The following ZBTB20 variants were observed in gnomAD, a reference collection of about 807,000 sequenced individuals.
The protein encoded by ZBTB20 is zinc finger and BTB domain containing 20.
In ZBTB20, 9 loss-of-function variants were observed where a neutral mutation model predicts 56.9. The ratio of observed to expected loss-of-function variants is 0.16; its 90% CI spans 0.10 to 0.28. The LOEUF (loss-of-function observed/expected upper bound fraction) is 0.28, where lower values mean the gene tolerates loss of function less well. ZBTB20 is among the 10% of genes least tolerant of loss of function. The pLI, the probability that ZBTB20 is intolerant of heterozygous loss-of-function variation, is 1.00. For missense variants in ZBTB20, 655 were observed against 1,003.0 expected (o/e 0.65, Z 4.69); for synonymous variants, 417 against 420.7 (o/e 0.99, Z 0.11).
chr3:114,817,129 C>CGT (rs1346724027), intron 4 of ZBTB20, among the ~76,000 whole-genome samples: 5 of 150,520 alleles, frequency 3.3e-5, no homozygotes, highest in South Asian at 2.1e-4. Flanking sequence ...AATATGACTC[C>CGT]GTGTGTGTGT....
At chr3:114,500,759 T>C (rs1287187755) in intron 6 of ZBTB20, among the ~76,000 whole-genome samples, 3 of 152,238 alleles carry the variant, frequency 2.0e-5, no homozygotes, top group Non-Finnish European at 4.4e-5. Flanking sequence ...ATTTAAATTA[T>C]TTAACATTTA....
intron 5 of ZBTB20, among the ~76,000 whole-genome samples, chr3:114,737,265 T>C (rs117192038): frequency 6.6e-6 from 1 of 152,302 alleles, no homozygotes; most frequent in East Asian, 1.9e-4. Flanking sequence ...TTTTGAAAAT[T>C]TGGTTTACTG....
At chr3:114,475,495 A>G (rs1487456197) in intron 7 of ZBTB20, among the ~76,000 whole-genome samples, 1 of 152,204 alleles carries the variant, frequency 6.6e-6, no homozygotes, top group African/African-American at 2.4e-5. Context: ...CAAGTGAATG[A>G]GTTCATGTAT....
At chr3:114,822,233 A>G (rs1010306177) in intron 4 of ZBTB20, among the ~76,000 whole-genome samples, 2 of 152,148 alleles carry the variant, frequency 1.3e-5, no homozygotes, top group African/African-American at 4.8e-5. Context: ...AAAATTTAAT[A>G]TAATCTTAAG....
chr3:114,573,558 A>G (rs1391181174), intron 6 of ZBTB20, among the ~76,000 whole-genome samples: 1 of 151,466 alleles, frequency 6.6e-6, no homozygotes, highest in Non-Finnish European at 1.5e-5. Flanking sequence ...AAGAAAGAGG[A>G]AAAAAAGAAA....
rs914876739 is a variant in ZBTB20 at position 114,552,291 on chromosome 3, T to C, written c.-294-51900A>G. ...ACCACATAGCTTAACTGTATTTCCT[T>C]ATTATTTTGTCTCTAGCTGAAGTTC... On this transcript the variant is annotated intron_variant, in intron 6 of 11. Coordinates refer to ENST00000675478, the MANE Select transcript of ZBTB20 (RefSeq NM_001348800.3). Among the ~76,000 whole-genome samples the C allele has an allele frequency of 5.3e-5, 8 of 152,212 alleles. No homozygotes were observed. The South Asian group carries it at 1.0e-3, about 20-fold the overall frequency.
At chr3:114,557,237 A>C (rs2051350129) in intron 6 of ZBTB20, among the ~76,000 whole-genome samples, 1 of 151,892 alleles carries the variant, frequency 6.6e-6, no homozygotes, top group South Asian at 2.1e-4. Context: ...TGAAATTTAG[A>C]TAGGATAATT....
intron 7 of ZBTB20, among the ~76,000 whole-genome samples, chr3:114,469,248 T>C (rs1021704272): frequency 6.6e-6 from 1 of 152,114 alleles, no homozygotes; most frequent in African/African-American, 2.4e-5. Context: ...AATAAAGTTT[T>C]ACTTCAAGTT....
intron 8 of ZBTB20, among the ~76,000 whole-genome samples, chr3:114,384,183 CCT>C (rs148683084): frequency 0.01 from 1,562 of 150,816 alleles, 27 homozygotes; most frequent in African/African-American, 0.036. Context: ...ACCCCTTCCT[CCT>C]CTCTCTCTGT....
In ZBTB20 at chr3:114,916,724, C is replaced by T. The variant is rs192542322; in HGVS notation, c.-455-16382G>A. Among the ~76,000 whole-genome samples the T allele has an allele frequency of 7.3e-4, 111 of 152,216 alleles. 1 individual carries two copies. The East Asian group carries it at 0.015, about 20-fold the overall frequency. On this transcript the variant is annotated intron_variant, in intron 3 of 11. Coordinates refer to ENST00000675478, the MANE Select transcript of ZBTB20 (RefSeq NM_001348800.3). Reference sequence around the variant, plus strand: ...CTTTAAATATGTCATGCTACTTTTTCCTGGGCTGTAAGGTTTCCACTGAAG... The same window carrying T: ...CTTTAAATATGTCATGCTACTTTTTTCTGGGCTGTAAGGTTTCCACTGAAG...
In ZBTB20 at chr3:114,905,499, C is replaced by CATT. The variant is rs1236101231; in HGVS notation, c.-455-5160_-455-5158dup. On this transcript the variant is annotated intron_variant, in intron 3 of 11. Coordinates refer to ENST00000675478, the MANE Select transcript of ZBTB20 (RefSeq NM_001348800.3). Reference sequence around the variant, plus strand: ...GGACCAGCATTTGTATCTTATTCACCATTACATCTGTAGTTTTTACTTAGC... The same window carrying CATT: ...GGACCAGCATTTGTATCTTATTCACCATTATTACATCTGTAGTTTTTACTTAGC... Among the ~76,000 whole-genome samples, 5 of 151,878 alleles carry CATT rather than the reference C, an allele frequency of 3.3e-5. No homozygotes were observed. The East Asian group carries it at 9.7e-4, about 29-fold the overall frequency.
At chr3:114,664,094 T>C (rs1165732280) in intron 6 of ZBTB20, among the ~76,000 whole-genome samples, 1 of 152,070 alleles carries the variant, frequency 6.6e-6, no homozygotes, top group Admixed American at 6.6e-5. Context: ...AAATCTAAAG[T>C]AAATGTTCAT....
chr3:114,644,260 A>T (rs1430831440), intron 6 of ZBTB20, among the ~76,000 whole-genome samples: 1 of 152,108 alleles, frequency 6.6e-6, no homozygotes, highest in Non-Finnish European at 1.5e-5. Flanking sequence ...TATTGTAAAA[A>T]ATTAAATGGA....
In ZBTB20 at chr3:114,470,108, G is replaced by A. The variant is rs543596144; in HGVS notation, c.-255+30244C>T. ...TATAGAAAAAGGGAGTCTCTTTTTA[G>A]TGAGATTTCACTAAATACCTCTGGT... On this transcript the variant is annotated intron_variant, in intron 7 of 11. Coordinates refer to ENST00000675478, the MANE Select transcript of ZBTB20 (RefSeq NM_001348800.3). 5.9e-5 allele frequency among the ~76,000 whole-genome samples: 9 copies of A among 152,202 alleles called. No homozygotes were observed. The South Asian group carries it at 1.9e-3, about 32-fold the overall frequency.
intron 10 of ZBTB20, among the ~76,000 whole-genome samples, chr3:114,377,883 A>G (rs2083838526): frequency 6.6e-6 from 1 of 152,208 alleles, no homozygotes; most frequent in African/African-American, 2.4e-5. Context: ...TGCTAAACAC[A>G]TGACAAATAA....
chr3:114,373,378 C>T (rs1393162741), intron 10 of ZBTB20, among the ~76,000 whole-genome samples: 1 of 152,184 alleles, frequency 6.6e-6, no homozygotes, highest in Non-Finnish European at 1.5e-5. Flanking sequence ...GACAATGTTA[C>T]CCAAATACAA....
intron 5 of ZBTB20, among the ~76,000 whole-genome samples, chr3:114,706,673 A>G (rs2063736363): frequency 6.6e-6 from 1 of 152,130 alleles, no homozygotes; most frequent in South Asian, 2.1e-4. Context: ...GTGTCCAGCT[A>G]AGGAATAACT....
chr3:114,522,563 G>A (rs769013319), intron 6 of ZBTB20, among the ~76,000 whole-genome samples: 5 of 152,182 alleles, frequency 3.3e-5, no homozygotes, highest in African/African-American at 9.7e-5. Context: ...TAGACTGTAA[G>A]TGGTAAGGCC....
intron 4 of ZBTB20, among the ~76,000 whole-genome samples, chr3:114,857,908 T>C (rs929213697): frequency 6.6e-6 from 1 of 152,158 alleles, no homozygotes; most frequent in African/African-American, 2.4e-5. Flanking sequence ...AATCCCTTTG[T>C]TCCACTTAAA....
Sources: allele counts gnomAD v4.1 joint callset (sites outside exome capture counted in the v4.1 genomes callset), GRCh38; gene constraint gnomAD v4.1.1; transcripts MANE v1.5; gene names NCBI Gene and HGNC (gene_info 2026-07-23, HGNC 2026-07-21).